The following SUMF1 variants were observed in gnomAD, a reference collection of about 807,000 sequenced individuals.
SUMF1 encodes sulfatase modifying factor 1.
A neutral mutation model predicts 47.6 loss-of-function variants in SUMF1; 48 were observed. That is an observed-to-expected ratio of 1.01 (90% confidence interval 0.80 to 1.28). The LOEUF is 1.28. Among genes scored for constraint, SUMF1 ranks in the 50% most tolerant of loss-of-function variants. SUMF1 has a pLI of 0.00. For missense variants in SUMF1, 571 were observed against 485.4 expected (o/e 1.18, Z -1.66); for synonymous variants, 230 against 192.1 (o/e 1.20, Z -1.63).
intron 8 of SUMF1, among the ~76,000 whole-genome samples, chr3:4,073,041 A>T (rs1692319403): frequency 6.6e-6 from 1 of 152,186 alleles, no homozygotes; most frequent in African/African-American, 2.4e-5. Context: ...CATCCGACTC[A>T]CCAAGGTTTA....
At chr3:4,449,695 G>A (rs1190496946) in intron 2 of SUMF1, among the ~76,000 whole-genome samples, 1 of 152,192 alleles carries the variant, frequency 6.6e-6, no homozygotes, top group East Asian at 1.9e-4. Flanking sequence ...ATCAATCTTT[G>A]TCCTTTGTCC....
intron 8 of SUMF1, chr3:4,303,660 G>A (rs781548638): frequency 1.1e-5 from 16 of 1,461,192 alleles, no homozygotes; most frequent in African/African-American, 1.5e-5. Flanking sequence ...TGGTGCGCGG[G>A]AATAGGTGTG....
intron 9 of SUMF1, among the ~76,000 whole-genome samples, chr3:4,039,587 G>A (rs1411164683): frequency 6.8e-6 from 1 of 147,088 alleles, no homozygotes; most frequent in Non-Finnish European, 1.5e-5. Context: ...ATTCCATGGT[G>A]TATATGTGCC....
chr3:4,037,569 T>C (rs779133496), intron 9 of SUMF1, among the ~76,000 whole-genome samples: 1 of 152,188 alleles, frequency 6.6e-6, no homozygotes, highest in Non-Finnish European at 1.5e-5. Context: ...TTTTTTGCGA[T>C]TCTTAGTTTC....
intron 8 of SUMF1, among the ~76,000 whole-genome samples, chr3:4,157,520 T>C (rs1694482538): frequency 1.3e-5 from 2 of 151,568 alleles, no homozygotes; most frequent in Admixed American, 6.6e-5. Context: ...TATCACAATA[T>C]TTTACCCTCA....
In SUMF1 at chr3:4,096,075, A is replaced by T. The variant is rs532822655; in HGVS notation, c.1015-27330T>A. Among the ~76,000 whole-genome samples the T allele has an allele frequency of 2.0e-5, 3 of 152,310 alleles. No homozygotes were observed. The South Asian group carries it at 6.2e-4, about 32-fold the overall frequency. Reference sequence around the variant, plus strand: ...GCATAGCCCACCGGCTTAGAATTCTATATGAACAAGATATCCTAAATTTGT... The same window carrying T: ...GCATAGCCCACCGGCTTAGAATTCTTTATGAACAAGATATCCTAAATTTGT... On this transcript the variant is annotated intron_variant and NMD_transcript_variant, in intron 8 of 12. Transcript: ENST00000448413.
chr3:4,288,786 A>G (rs895442730), intron 8 of SUMF1, among the ~76,000 whole-genome samples: 3 of 147,228 alleles, frequency 2.0e-5, no homozygotes, highest in East Asian at 2.0e-4. Context: ...CCTGAACAAC[A>G]GAGCGAGACT....
chr3:4,408,947 G>A (rs1701457138), intron 7 of SUMF1, among the ~76,000 whole-genome samples: 1 of 152,048 alleles, frequency 6.6e-6, no homozygotes, highest in Admixed American at 6.6e-5. Context: ...GAGGGATAGA[G>A]CGAGACTCTC....
In SUMF1 at chr3:4,467,124, G is replaced by A. The variant is rs748192389; in HGVS notation, c.122C>T (p.Ala41Val). ...AAGSQEAGTG[A>V]GAGSLAGSCG... ...AGAACCCGCAAGGGACCCCGCGCCC[G>A]CACCGGTCCCGGCCTCCTGGCTCCC... The change falls in exon 1 of 9, where the codon GCG becomes GTG. Residue 41 changes from alanine to valine, a missense_variant. By Grantham distance (64) the Ala-to-Val change is moderately conservative (BLOSUM62 0). Coordinates refer to ENST00000272902, the MANE Select transcript of SUMF1 (RefSeq NM_182760.4). 2.6e-6 allele frequency: 4 copies of A among 1,561,766 alleles called. No homozygotes were observed. Among genetic ancestry groups the A allele is most frequent in the Admixed American group, 1.9e-5 (1 of 52,732 alleles).
chr3:4,300,209 C>A (rs1007366458), intron 8 of SUMF1, among the ~76,000 whole-genome samples: 2 of 152,158 alleles, frequency 1.3e-5, no homozygotes, highest in African/African-American at 4.8e-5. Flanking sequence ...CTGCCCCAAC[C>A]CCCACTCTCT....
chr3:4,423,635 AG>A (rs1303781883), intron 3 of SUMF1, among the ~76,000 whole-genome samples: 1 of 152,252 alleles, frequency 6.6e-6, no homozygotes, highest in Admixed American at 6.5e-5. Flanking sequence ...TAGTTTTAAA[AG>A]TATTTATTTT....
intron 8 of SUMF1, among the ~76,000 whole-genome samples, chr3:4,367,681 G>A (rs1343673876): frequency 8.5e-5 from 13 of 152,238 alleles, no homozygotes; most frequent in Middle Eastern, 3.4e-3. Context: ...AAATAACGCC[G>A]CATGTCTACA....
At chr3:4,375,253 T>C (rs962006057) in intron 8 of SUMF1, among the ~76,000 whole-genome samples, 9 of 151,756 alleles carry the variant, frequency 5.9e-5, no homozygotes, top group African/African-American at 1.9e-4. Context: ...CCTGAATCAC[T>C]GGATTAAAAA....
intron 8 of SUMF1, among the ~76,000 whole-genome samples, chr3:4,069,619 T>C (rs1372527867): frequency 6.6e-6 from 1 of 151,998 alleles, no homozygotes; most frequent in Non-Finnish European, 1.5e-5. Flanking sequence ...GTGAGGTGAG[T>C]GTGTTATGAA....
intron 8 of SUMF1, among the ~76,000 whole-genome samples, chr3:4,118,564 T>C (rs1195861797): frequency 3.3e-5 from 5 of 152,156 alleles, no homozygotes; most frequent in Admixed American, 2.6e-4. Context: ...AAAGTAGTTT[T>C]CAAGTACTAT....
intron 8 of SUMF1, among the ~76,000 whole-genome samples, chr3:4,190,448 G>T (rs1695290926): frequency 7.0e-6 from 1 of 143,246 alleles, no homozygotes; most frequent in East Asian, 1.9e-4. Context: ...CTTATCACAT[G>T]GGGCATCTCA....
At chr3:4,244,831 C>A (rs1696624549) in intron 8 of SUMF1, among the ~76,000 whole-genome samples, 1 of 152,094 alleles carries the variant, frequency 6.6e-6, no homozygotes, top group Non-Finnish European at 1.5e-5. Flanking sequence ...GGATAATATC[C>A]TGAAGGGTGT....
chr3:4,370,209 G>A (rs756750625), intron 8 of SUMF1, among the ~76,000 whole-genome samples: 55 of 152,300 alleles, frequency 3.6e-4, no homozygotes, highest in Admixed American at 8.5e-4. Flanking sequence ...TCTGGAGCAT[G>A]AGAATTCCAG....
At chr3:4,411,056 A>G (rs1336966066) in intron 6 of SUMF1, 78 bp from the exon 7 acceptor site, 2 of 1,076,016 alleles carry the variant, frequency 1.9e-6, no homozygotes, top group Non-Finnish European at 1.4e-6. Flanking sequence ...AAATGCAGCA[A>G]GAGCTTTAAT....
Sources: gnomAD v4.1 joint callset for allele counts (sites outside exome capture counted in the v4.1 genomes callset) on GRCh38, gnomAD v4.1.1 for gene constraint, MANE v1.5 for transcripts, NCBI Gene and HGNC (gene_info 2026-07-23, HGNC 2026-07-21) for gene names.